ZBTB44: variants seen among roughly 807,000 people sequenced by gnomAD.
The protein encoded by ZBTB44 is zinc finger and BTB domain containing 44.
ZBTB44 carries 15 observed loss-of-function variants against 54.0 expected under a neutral mutation model. The observed-to-expected ratio is 0.28, with a 90% CI of 0.19 to 0.43. The LOEUF is 0.43. ZBTB44 is among the 20% of genes least tolerant of loss of function. The probability of loss-of-function intolerance (pLI) is 1.00; values close to 1 mark genes in which losing one functional copy is unlikely to be tolerated. For synonymous variants in ZBTB44, 230 were observed against 250.1 expected (o/e 0.92, Z 0.76); for missense variants, 487 against 707.1 (o/e 0.69, Z 3.53).
At chr11:130,284,799 G>A (rs906812627) in intron 1 of ZBTB44, among the ~76,000 whole-genome samples, 3 of 152,104 alleles carry the variant, frequency 2.0e-5, no homozygotes, top group Non-Finnish European at 4.4e-5. Flanking sequence ...CCAGGAGGTA[G>A]AGGTTGCAGT....
chr11:130,250,911 CG>C (rs1937945153), intron 2 of ZBTB44, among the ~76,000 whole-genome samples: 1 of 152,138 alleles, frequency 6.6e-6, no homozygotes, highest in African/African-American at 2.4e-5. Context: ...TCCTCTCCAG[CG>C]AGGGCACAAC....
At chr11:130,272,471 G>C (rs1013816116) in intron 1 of ZBTB44, among the ~76,000 whole-genome samples, 1 of 152,188 alleles carries the variant, frequency 6.6e-6, no homozygotes, top group Non-Finnish European at 1.5e-5. Flanking sequence ...TGAGTTGTCA[G>C]AGTTCTTTAT....
chr11:130,298,967 C>T (rs1941839657), intron 1 of ZBTB44, among the ~76,000 whole-genome samples: 1 of 151,940 alleles, frequency 6.6e-6, no homozygotes, highest in African/African-American at 2.4e-5. Flanking sequence ...CCTATAGTGC[C>T]AGCTACTTGG....
At position 130,227,766 on chromosome 11, in the gene ZBTB44, A is replaced by G. The variant is rs559947763; in HGVS notation, c.*3998T>C. On this transcript the variant is annotated 3_prime_UTR_variant, in exon 8 of 8. Transcript: ENST00000357899. ...AGAAAAACAAAATTTTATTTAAAAAATTGTTACATCAAAATTTTTTTCCTT... is the reference window on the plus strand; with the variant it reads ...AGAAAAACAAAATTTTATTTAAAAAGTTGTTACATCAAAATTTTTTTCCTT... 6.6e-6 allele frequency: 1 copy of G among 152,344 alleles called. No homozygotes were observed. Among genetic ancestry groups the G allele is most frequent in the African/African-American group, 2.4e-5 (1 of 41,582 alleles). 9.4% of individuals were successfully genotyped at this position (152,344 alleles called of 1,614,324 possible).
At chr11:130,265,290 A>G (rs1420229114) in intron 1 of ZBTB44, among the ~76,000 whole-genome samples, 1 of 152,048 alleles carries the variant, frequency 6.6e-6, no homozygotes, top group Non-Finnish European at 1.5e-5. Context: ...GCAGTGGCAC[A>G]ATCTTGGCTC....
At chr11:130,260,019 AAATAAAT>A (rs1248572591) in intron 2 of ZBTB44, among the ~76,000 whole-genome samples, 4 of 152,190 alleles carry the variant, frequency 2.6e-5, no homozygotes, top group African/African-American at 9.6e-5. Flanking sequence ...AAAGATAAAT[AAATAAAT>A]AATAAAGAAA....
chr11:130,270,665 ATTTAG>A (rs1239997850), intron 1 of ZBTB44, among the ~76,000 whole-genome samples: 6 of 152,190 alleles, frequency 3.9e-5, no homozygotes, highest in African/African-American at 1.4e-4. Context: ...TCTGAGAAAT[ATTTAG>A]AATGGAAAAC....
At chr11:130,296,520 C>A in intron 1 of ZBTB44, 1 of 883,930 alleles carries the variant, frequency 1.1e-6, no homozygotes, top group Non-Finnish European at 1.8e-6. Flanking sequence ...CTGGACATTC[C>A]TCAAGTCAAC....
intron 2 of ZBTB44, among the ~76,000 whole-genome samples, chr11:130,241,171 G>A (rs1281931442): frequency 6.6e-6 from 1 of 152,146 alleles, no homozygotes; most frequent in Non-Finnish European, 1.5e-5. Flanking sequence ...TATCCTTAAT[G>A]CACATAAGCA....
chr11:130,279,121 G>A (rs971442524), intron 1 of ZBTB44, among the ~76,000 whole-genome samples: 4 of 151,714 alleles, frequency 2.6e-5, no homozygotes, highest in East Asian at 3.9e-4. Flanking sequence ...ATTTTTTAGT[G>A]ACTAGCCGAA....
chr11:130,262,602 C>G (rs537873835), intron 1 of ZBTB44, among the ~76,000 whole-genome samples: 2 of 152,192 alleles, frequency 1.3e-5, no homozygotes, highest in African/African-American at 4.8e-5. Flanking sequence ...ATTCCTGTTT[C>G]TAAATGTGAG....
chr11:130,239,809 G>T lies in ZBTB44; in HGVS notation c.1103+3C>A. 2 of 1,611,000 alleles carry T rather than the reference G, an allele frequency of 1.2e-6. No homozygotes were observed. The highest frequency in any genetic ancestry group is 2.2e-5 in the South Asian group (2 of 90,576). On this transcript the variant is annotated splice_donor_region_variant and intron_variant, in intron 3 of 7. Coordinates refer to ENST00000357899, the MANE Select transcript of ZBTB44 (RefSeq NM_001301098.2). ...GGTAACGAAATGCTATGTTAGTACT[G>T]ACCGATCATCATCATCCGGAGGAGC...
intron 1 of ZBTB44, among the ~76,000 whole-genome samples, chr11:130,299,162 G>A (rs375315114): frequency 6.6e-6 from 1 of 152,010 alleles, no homozygotes; most frequent in South Asian, 2.1e-4. Flanking sequence ...TTCTTTTCAA[G>A]TGCAAAGTGG....
At chr11:130,238,212 G>C (rs917369660) in intron 4 of ZBTB44, among the ~76,000 whole-genome samples, 1 of 152,164 alleles carries the variant, frequency 6.6e-6, no homozygotes, top group East Asian at 1.9e-4. Context: ...TATTTACAAA[G>C]TACTCACTCC....
chr11:130,295,740 AC>A, intron 1 of ZBTB44: 1 of 1,531,016 alleles, frequency 6.5e-7, no homozygotes, highest in Non-Finnish European at 9.0e-7. Flanking sequence ...CAGTGGTAAA[AC>A]CCTGGCTTTT....
At chr11:130,287,058 C>T (rs1043644190) in intron 1 of ZBTB44, among the ~76,000 whole-genome samples, 16 of 152,198 alleles carry the variant, frequency 1.1e-4, no homozygotes, top group African/African-American at 3.9e-4. Flanking sequence ...TGAATGTGTT[C>T]GCCATCTTGC....
intron 1 of ZBTB44, among the ~76,000 whole-genome samples, chr11:130,266,235 G>A (rs1939239893): frequency 6.6e-6 from 1 of 152,220 alleles, no homozygotes; most frequent in Non-Finnish European, 1.5e-5. Context: ...ACAGCCTGAT[G>A]ACAGCACATC....
At chr11:130,269,926 GAACA>G (rs1253756497) in intron 1 of ZBTB44, among the ~76,000 whole-genome samples, 1 of 152,068 alleles carries the variant, frequency 6.6e-6, no homozygotes, top group African/African-American at 2.4e-5. Context: ...GAAAAAGTGT[GAACA>G]AAAATTAAAT....
intron 1 of ZBTB44, among the ~76,000 whole-genome samples, chr11:130,313,885 C>T (rs1942761280): frequency 6.6e-6 from 1 of 151,230 alleles, no homozygotes; most frequent in Non-Finnish European, 1.5e-5. Context: ...GCAGAGTGAT[C>T]CTCAGGAAGG....
Sources: gnomAD v4.1 joint callset for allele counts (sites outside exome capture counted in the v4.1 genomes callset) on GRCh38, gnomAD v4.1.1 for gene constraint, MANE v1.5 for transcripts, NCBI Gene and HGNC (gene_info 2026-07-23, HGNC 2026-07-21) for gene names.